Variants in PPA2 observed in about 807,000 individuals in gnomAD.
The protein encoded by PPA2 is inorganic pyrophosphatase 2, mitochondrial.
In PPA2, 48 loss-of-function variants were observed where a neutral mutation model predicts 49.5. The ratio of observed to expected loss-of-function variants is 0.97; its 90% confidence interval spans 0.77 to 1.23. PPA2 has a LOEUF of 1.23. PPA2 is among the 50% of genes most tolerant of loss of function. The pLI is 0.00. For synonymous variants in PPA2, 131 were observed against 139.9 expected, an observed-to-expected ratio of 0.94 and a Z score of 0.45; for missense variants, 429 against 410.1, an observed-to-expected ratio of 1.05 and a Z score of -0.40.
intron 7 of PPA2, among the ~76,000 whole-genome samples, chr4:105,421,301 A>G (rs777083460): frequency 1.1e-4 from 17 of 152,224 alleles, no homozygotes; most frequent in Non-Finnish European, 1.8e-4. Flanking sequence ...CATTTACAGA[A>G]GGAAGCAACC....
At chr4:105,438,385 C>T (rs1370073001) in intron 5 of PPA2, among the ~76,000 whole-genome samples, 2 of 152,156 alleles carry the variant, frequency 1.3e-5, no homozygotes, top group Non-Finnish European at 2.9e-5. Context: ...TCTGTGTTTC[C>T]GCTGACTGCC....
In PPA2 at chr4:105,473,991, C is replaced by T. The variant is rs780975549; in HGVS notation, c.60G>A (p.Leu20=). Residue 20 remains leucine (L), a synonymous_variant, in exon 1 of 12, where the codon TTG becomes TTA. Transcript: ENST00000341695. The stretch of plus-strand genomic sequence containing the variant: ...GCGACCCGGTCCCTGCACTGGTCCC[C>T]AACCGCAGGCACGCAGCGGCTGGGG... The part of the protein sequence containing the change: ...TGAPAAACLR[L]GTSAGTGSRR... 39 of 1,608,158 alleles carry T rather than the reference C, an allele frequency of 2.4e-5. No homozygotes were observed. Among genetic ancestry groups the T allele is most frequent in the Admixed American group, 3.4e-5 (2 of 59,620 alleles).
At chr4:105,449,495 T>C in intron 3 of PPA2, 92 bp from the exon 4 acceptor site, 3 of 713,100 alleles carry the variant, frequency 4.2e-6, no homozygotes, top group East Asian at 6.1e-5. Flanking sequence ...TTAGATGTTT[T>C]CCCCCGACAA....
At chr4:105,393,809 G>A (rs1008931755) in intron 9 of PPA2, among the ~76,000 whole-genome samples, 57 of 151,958 alleles carry the variant, frequency 3.8e-4, no homozygotes, top group African/African-American at 1.3e-3. Context: ...CAATGGTACA[G>A]TTTAAGGAAT....
chr4:105,408,807 C>CATATAA (rs1223390635), intron 7 of PPA2, among the ~76,000 whole-genome samples: 5 of 152,176 alleles, frequency 3.3e-5, no homozygotes, highest in Non-Finnish European at 7.4e-5. Context: ...AAAAGATAAA[C>CATATAA]AAGAATACCT....
chr4:105,427,359 G>C (rs549904043), intron 6 of PPA2, among the ~76,000 whole-genome samples: 3 of 152,126 alleles, frequency 2.0e-5, no homozygotes, highest in Admixed American at 1.3e-4. Flanking sequence ...TTGATGAGTT[G>C]ACAAAAGTAG....
chr4:105,401,979 T>C (rs1245847410), intron 7 of PPA2, among the ~76,000 whole-genome samples: 1 of 152,212 alleles, frequency 6.6e-6, no homozygotes, highest in Non-Finnish European at 1.5e-5. Context: ...CTGTATCTTT[T>C]ATTATAATTA....
chr4:105,435,705 C>T (rs1487944579), intron 6 of PPA2, among the ~76,000 whole-genome samples: 1 of 152,098 alleles, frequency 6.6e-6, no homozygotes, highest in Admixed American at 6.5e-5. Flanking sequence ...AGAATAAAAA[C>T]CACATGATCA....
intron 2 of PPA2, 63 bp from the exon 3 acceptor site, chr4:105,453,705 A>ACTT: frequency 1.6e-6 from 2 of 1,272,300 alleles, no homozygotes; most frequent in Non-Finnish European, 2.2e-6. Context: ...GGCACTGCAT[A>ACTT]GCAATAAAAA....
chr4:105,468,394 G>A (rs1484899364), intron 1 of PPA2, among the ~76,000 whole-genome samples: 4 of 152,148 alleles, frequency 2.6e-5, no homozygotes, highest in Non-Finnish European at 4.4e-5. Flanking sequence ...GTGCATCCCA[G>A]AGGAAAGCAG....
chr4:105,439,814 C>A (rs1724257374), intron 5 of PPA2, among the ~76,000 whole-genome samples: 1 of 149,622 alleles, frequency 6.7e-6, no homozygotes, highest in Non-Finnish European at 1.5e-5. Flanking sequence ...TTAGGTATAT[C>A]TCCTAATGCT....
chr4:105,424,163 T>A (rs1723381257), intron 7 of PPA2, 33 bp downstream of exon 7: 1 of 1,590,400 alleles, frequency 6.3e-7, no homozygotes, highest in Non-Finnish European at 8.5e-7. Context: ...ACACACTAAT[T>A]TGCTTTCACT....
At chr4:105,392,451 T>A (rs1443655161) in intron 9 of PPA2, among the ~76,000 whole-genome samples, 1 of 152,166 alleles carries the variant, frequency 6.6e-6, no homozygotes, top group Non-Finnish European at 1.5e-5. Flanking sequence ...GGTGCGTGGA[T>A]CACCTGCGGT....
chr4:105,427,506 T>C (rs112500630), intron 6 of PPA2, among the ~76,000 whole-genome samples: 12 of 152,166 alleles, frequency 7.9e-5, no homozygotes, highest in African/African-American at 2.9e-4. Flanking sequence ...AGAGCTTAAA[T>C]GACCTGATGG....
chr4:105,406,750 A>G (rs1722493826), intron 7 of PPA2, among the ~76,000 whole-genome samples: 1 of 152,178 alleles, frequency 6.6e-6, no homozygotes, highest in Admixed American at 6.5e-5. Context: ...GTTATTTTCA[A>G]TCCACATTTG....
intron 1 of PPA2, among the ~76,000 whole-genome samples, chr4:105,461,264 C>A (rs748934542): frequency 1.7e-4 from 26 of 152,200 alleles, no homozygotes; most frequent in Non-Finnish European, 2.9e-5. Context: ...TGCTTCTCCA[C>A]GGGACCCATG....
intron 9 of PPA2, among the ~76,000 whole-genome samples, chr4:105,392,938 G>C (rs1042090695): frequency 1.3e-5 from 2 of 152,150 alleles, no homozygotes; most frequent in Non-Finnish European, 2.9e-5. Context: ...TAGCATATGA[G>C]GGAATGTTTC....
In PPA2 at chr4:105,471,062, T is replaced by C. The variant is rs544783649; in HGVS notation, c.157+2832A>G. Among the ~76,000 whole-genome samples the C allele has an allele frequency of 9.1e-4, 138 of 152,350 alleles. 3 individuals are homozygous for C. Among genetic ancestry groups the C allele is most frequent in the African/African-American group, 3.3e-3 (138 of 41,578 alleles). On this transcript the variant is annotated intron_variant, in intron 1 of 11. Transcript: ENST00000341695. ...TTCCAGAACTTAAATAGGCAAATTC[T>C]TCTTCAAAAAAGTAATAAAATGGGA... is the stretch of plus-strand genomic sequence containing the variant.
intron 7 of PPA2, among the ~76,000 whole-genome samples, chr4:105,407,512 C>A (rs1035388110): frequency 1.6e-5 from 2 of 124,570 alleles, no homozygotes; most frequent in African/African-American, 6.3e-5. Context: ...GAAATGAAAA[C>A]ATGTTCACAT....
Sources: gnomAD v4.1 joint callset for allele counts (sites outside exome capture counted in the v4.1 genomes callset) on GRCh38, gnomAD v4.1.1 for gene constraint, MANE v1.5 for transcripts, NCBI Gene and HGNC (gene_info 2026-07-23, HGNC 2026-07-21) for gene names.